The following GALNT13 variants were observed in gnomAD, a reference collection of about 807,000 sequenced individuals.
GALNT13 encodes the protein polypeptide N-acetylgalactosaminyltransferase 13, also known as UDP-GalNAc:polypeptide N-acetylgalactosaminyltransferase 13.
GALNT13 carries 28 observed loss-of-function variants against 64.2 expected under a neutral mutation model. The observed-to-expected ratio is 0.44, with a 90% confidence interval of 0.32 to 0.60. The LOEUF (loss-of-function observed/expected upper bound fraction) is 0.60, where lower values mean the gene tolerates loss of function less well. GALNT13 is among the 20% of genes least tolerant of loss of function. The pLI, the probability that GALNT13 is intolerant of heterozygous loss-of-function variation, is 0.05. For synonymous variants in GALNT13, 214 were observed against 224.6 expected (o/e 0.95, Z 0.42); for missense variants, 577 against 669.8 (o/e 0.86, Z 1.53).
chr2:153,166,620 C>CGTGTGTGT, the GALNT13 span, among the ~76,000 whole-genome samples: 223 of 72,662 alleles, frequency 3.1e-3, 1 homozygote, highest in Non-Finnish European at 2.8e-3. Flanking sequence ...TTGCCTACTG[C>CGTGTGTGT]ATGTGTGTGT....
At chr2:153,553,836 A>T in the GALNT13 span, among the ~76,000 whole-genome samples, 3 of 152,172 alleles carry the variant, frequency 2.0e-5, no homozygotes, top group Middle Eastern at 0.01. Flanking sequence ...GGGCAGCTGA[A>T]GGGAGTTTCC....
chr2:153,888,007 T>C (rs1012640420), intron 1 of GALNT13, among the ~76,000 whole-genome samples: 5 of 152,092 alleles, frequency 3.3e-5, no homozygotes, highest in Non-Finnish European at 7.4e-5. Flanking sequence ...TTCTGCTTTT[T>C]TAATGTGGAA....
intron 9 of GALNT13, among the ~76,000 whole-genome samples, chr2:154,332,490 C>T (rs1695219817): frequency 1.3e-5 from 2 of 151,972 alleles, no homozygotes; most frequent in Non-Finnish European, 2.9e-5. Context: ...TCTATAAAGC[C>T]CTCCTGCATG....
chr2:153,547,609 A>C, the GALNT13 span, among the ~76,000 whole-genome samples: 22 of 152,346 alleles, frequency 1.4e-4, no homozygotes, highest in African/African-American at 4.8e-4. Context: ...TACCAGTGAC[A>C]ATGTCAAAAA....
At chr2:153,183,839 T>A in the GALNT13 span, among the ~76,000 whole-genome samples, 1 of 152,198 alleles carries the variant, frequency 6.6e-6, no homozygotes, top group Admixed American at 6.5e-5. Context: ...TGTCTGTTCT[T>A]GTACCAGTAC....
chr2:153,498,632 A>G, the GALNT13 span, among the ~76,000 whole-genome samples: 3 of 152,196 alleles, frequency 2.0e-5, no homozygotes, highest in Admixed American at 1.3e-4. Context: ...AGGGGAATGC[A>G]GTGGTGTCCA....
chr2:153,383,105 T>C, the GALNT13 span, among the ~76,000 whole-genome samples: 1 of 152,106 alleles, frequency 6.6e-6, no homozygotes, highest in Non-Finnish European at 1.5e-5. Context: ...TTTCTTTTAG[T>C]AGTGAATTCA....
At chr2:154,251,910 A>C (rs1268822089) in intron 7 of GALNT13, among the ~76,000 whole-genome samples, 1 of 152,150 alleles carries the variant, frequency 6.6e-6, no homozygotes, top group South Asian at 2.1e-4. Context: ...AACCTAATAA[A>C]GCCATTAGAT....
At chr2:153,447,481 T>G in the GALNT13 span, among the ~76,000 whole-genome samples, 1 of 152,304 alleles carries the variant, frequency 6.6e-6, no homozygotes, top group Middle Eastern at 3.4e-3. Flanking sequence ...ACACGTATAA[T>G]CCTAAAACTG....
At chr2:153,260,209 T>C in the GALNT13 span, among the ~76,000 whole-genome samples, 1 of 152,250 alleles carries the variant, frequency 6.6e-6, no homozygotes, top group African/African-American at 2.4e-5. Flanking sequence ...GTTCATATTT[T>C]AGTCTTTCTA....
the GALNT13 span, among the ~76,000 whole-genome samples, chr2:153,839,535 C>A: frequency 1.3e-5 from 2 of 151,588 alleles, no homozygotes; most frequent in Admixed American, 1.3e-4. Context: ...ATCCTTCCTT[C>A]TGTTAATATT....
the GALNT13 span, among the ~76,000 whole-genome samples, chr2:153,294,670 A>G: frequency 1.3e-5 from 2 of 152,086 alleles, no homozygotes; most frequent in Admixed American, 6.6e-5. Flanking sequence ...ATGAGAGGAT[A>G]TTTTCTGTTG....
chr2:153,520,809 T>A, the GALNT13 span, among the ~76,000 whole-genome samples: 1 of 152,160 alleles, frequency 6.6e-6, no homozygotes, highest in Non-Finnish European at 1.5e-5. Context: ...AATATAATAA[T>A]CAAATCTGAA....
At chr2:153,994,285 A>G (rs1241217029) in intron 3 of GALNT13, among the ~76,000 whole-genome samples, 1 of 152,200 alleles carries the variant, frequency 6.6e-6, no homozygotes, top group Non-Finnish European at 1.5e-5. Context: ...CATGGCATAT[A>G]TGTGCCACAT....
chr2:153,476,380 T>G, the GALNT13 span, among the ~76,000 whole-genome samples: 1 of 152,364 alleles, frequency 6.6e-6, no homozygotes, highest in African/African-American at 2.4e-5. Flanking sequence ...TTTTAATTGC[T>G]ATATAGCATC....
intron 3 of GALNT13, among the ~76,000 whole-genome samples, chr2:153,967,586 G>A (rs558133781): frequency 6.6e-6 from 1 of 152,210 alleles, no homozygotes; most frequent in South Asian, 2.1e-4. Context: ...TTTTCCCCAG[G>A]CAAAAGGAGT....
At chr2:154,276,903 G>T (rs1691679998) in intron 8 of GALNT13, among the ~76,000 whole-genome samples, 1 of 152,116 alleles carries the variant, frequency 6.6e-6, no homozygotes, top group Admixed American at 6.5e-5. Context: ...GGATGTGTTT[G>T]CTTCCCCTTC....
the GALNT13 span, among the ~76,000 whole-genome samples, chr2:153,297,536 G>A: frequency 6.6e-6 from 1 of 152,182 alleles, no homozygotes; most frequent in Non-Finnish European, 1.5e-5. Flanking sequence ...GGTAGAGTTA[G>A]AGACATGCAG....
At chr2:154,193,089 T>C (rs1354138551) in intron 4 of GALNT13, among the ~76,000 whole-genome samples, 6 of 152,244 alleles carry the variant, frequency 3.9e-5, no homozygotes, top group Non-Finnish European at 8.8e-5. Flanking sequence ...CATAGTCATG[T>C]GTTTCTTAGC....
Sources: allele counts gnomAD v4.1 joint callset (sites outside exome capture counted in the v4.1 genomes callset), GRCh38; gene constraint gnomAD v4.1.1; transcripts MANE v1.5; gene names NCBI Gene and HGNC (gene_info 2026-07-23, HGNC 2026-07-21).